Variants in LGR4 observed in about 807,000 individuals in gnomAD.
The protein encoded by LGR4 is leucine-rich repeat-containing G protein-coupled receptor 4.
LGR4 carries 44 observed loss-of-function variants against 84.8 expected under a neutral mutation model. The ratio of observed to expected loss-of-function variants is 0.52; its 90% CI spans 0.41 to 0.67. LGR4 has a LOEUF of 0.67. Ranked by LOEUF, LGR4 falls within the 30% of genes least tolerant of loss-of-function variation. The pLI is 0.00. For missense variants in LGR4, 1,032 were observed against 1,131.4 expected (o/e 0.91, Z 1.26); for synonymous variants, 429 against 434.3 (o/e 0.99, Z 0.15).
chr11:27,404,777 T>G (rs929982960), intron 2 of LGR4, among the ~76,000 whole-genome samples: 1 of 127,982 alleles, frequency 7.8e-6, no homozygotes, highest in Non-Finnish European at 1.6e-5. Flanking sequence ...GAAGCAACAA[T>G]GTACTGAAAG....
At chr11:27,395,946 G>A (rs1182572737) in intron 2 of LGR4, among the ~76,000 whole-genome samples, 1 of 152,080 alleles carries the variant, frequency 6.6e-6, no homozygotes, top group African/African-American at 2.4e-5. Flanking sequence ...TAAATAGCAA[G>A]GTTAGGAAAA....
In LGR4 at chr11:27,448,554, AG is replaced by A. The variant is rs1437785043; in HGVS notation, c.185+23563del. Among the ~76,000 whole-genome samples, 4 of 152,206 alleles carry A rather than the reference AG, an allele frequency of 2.6e-5. No homozygotes were observed. In the South Asian group the frequency reaches 6.2e-4, roughly 24 times the overall value. On this transcript the variant is annotated intron_variant, in intron 1 of 17. Transcript: ENST00000379214. The stretch of plus-strand genomic sequence containing the variant: ...TGATCCGCTCGCCTCAGCCTCCCAA[AG>A]TGCTAGGATTACAGGCGTGAGCCAC...
At chr11:27,470,643 T>TAA in intron 1 of LGR4, among the ~76,000 whole-genome samples, 1 of 151,822 alleles carries the variant, frequency 6.6e-6, no homozygotes, top group South Asian at 2.1e-4. Flanking sequence ...TAATGTAACT[T>TAA]TATGAACAAA....
At chr11:27,460,009 T>C (rs933798343) in intron 1 of LGR4, among the ~76,000 whole-genome samples, 6 of 152,076 alleles carry the variant, frequency 3.9e-5, no homozygotes, top group African/African-American at 1.2e-4. Flanking sequence ...GAGAATCACT[T>C]GAACCGGGAA....
At chr11:27,408,952 C>A (rs560475892) in intron 2 of LGR4, among the ~76,000 whole-genome samples, 1 of 151,980 alleles carries the variant, frequency 6.6e-6, no homozygotes, top group Non-Finnish European at 1.5e-5. Context: ...GAATTTGGGG[C>A]CACAATCTAT....
At chr11:27,385,196 C>T in intron 5 of LGR4, 57 bp downstream of exon 5, 3 of 1,226,736 alleles carry the variant, frequency 2.4e-6, no homozygotes, top group Non-Finnish European at 3.4e-6. Flanking sequence ...CAGAAGAAAT[C>T]TGTTTTTGTA....
intron 1 of LGR4, 81 bp downstream of exon 1, chr11:27,472,037 G>T: frequency 9.3e-7 from 1 of 1,078,296 alleles, no homozygotes; most frequent in Non-Finnish European, 1.2e-6. Flanking sequence ...GGGTGGGACT[G>T]ACCCCTGGCT....
chr11:27,379,563 A>G (rs1414191390), intron 10 of LGR4, among the ~76,000 whole-genome samples: 1 of 152,146 alleles, frequency 6.6e-6, no homozygotes, highest in Admixed American at 6.5e-5. Flanking sequence ...ATATCTTGTC[A>G]CATGTGACCA....
At chr11:27,441,258 T>C (rs4363549) in intron 1 of LGR4, among the ~76,000 whole-genome samples, 36,304 of 151,754 alleles carry the variant, frequency 0.24, 5,158 homozygotes, top group African/African-American at 0.39. Flanking sequence ...AGTGCCATAA[T>C]GGAAAGCCTT....
intron 1 of LGR4, among the ~76,000 whole-genome samples, chr11:27,466,204 C>T (rs1311270829): frequency 1.3e-5 from 2 of 152,130 alleles, no homozygotes; most frequent in Non-Finnish European, 2.9e-5. Flanking sequence ...TAACTTTTAA[C>T]TCAAGTATAC....
intron 1 of LGR4, among the ~76,000 whole-genome samples, chr11:27,425,458 G>C (rs780190573): frequency 2.0e-4 from 30 of 151,846 alleles, no homozygotes; most frequent in Non-Finnish European, 3.8e-4. Context: ...AGTCTCCTCA[G>C]TAGCTAGGAC....
intron 1 of LGR4, among the ~76,000 whole-genome samples, chr11:27,418,413 A>T (rs1863862050): frequency 6.6e-6 from 1 of 152,194 alleles, no homozygotes; most frequent in African/African-American, 2.4e-5. Context: ...GTCACAATAG[A>T]CACCCTTCTA....
intron 10 of LGR4, among the ~76,000 whole-genome samples, chr11:27,379,701 A>G (rs769251524): frequency 6.6e-6 from 1 of 152,176 alleles, no homozygotes; most frequent in Non-Finnish European, 1.5e-5. Flanking sequence ...AAACTCATGC[A>G]CAGACCACTC....
intron 2 of LGR4, among the ~76,000 whole-genome samples, chr11:27,397,952 T>C (rs1222640972): frequency 6.6e-6 from 1 of 152,176 alleles, no homozygotes; most frequent in African/African-American, 2.4e-5. Flanking sequence ...AAAGTAATCC[T>C]CTAGATTTCC....
At chr11:27,472,085 C>T in intron 1 of LGR4, 33 bp downstream of exon 1, 4 of 1,101,958 alleles carry the variant, frequency 3.6e-6, no homozygotes, top group Non-Finnish European at 4.5e-6. Context: ...CCGTTTCCTC[C>T]CCCCCCCTCG....
intron 1 of LGR4, among the ~76,000 whole-genome samples, chr11:27,452,823 C>T (rs112336905): frequency 0.01 from 1,487 of 147,560 alleles, 16 homozygotes; most frequent in African/African-American, 0.035. Context: ...TTAGTAGAGA[C>T]GGTGTTTCAC....
intron 1 of LGR4, among the ~76,000 whole-genome samples, chr11:27,446,719 T>C (rs1590400456): frequency 6.6e-6 from 1 of 152,180 alleles, no homozygotes; most frequent in Non-Finnish European, 1.5e-5. Context: ...CATGTTGCTA[T>C]AAAGACACAT....
At chr11:27,458,395 T>C (rs1864612564) in intron 1 of LGR4, among the ~76,000 whole-genome samples, 2 of 152,164 alleles carry the variant, frequency 1.3e-5, no homozygotes, top group African/African-American at 4.8e-5. Flanking sequence ...AAATGCTCTA[T>C]ATCTTCACAG....
intron 2 of LGR4, among the ~76,000 whole-genome samples, chr11:27,401,204 G>A (rs372204342): frequency 1.3e-5 from 2 of 152,228 alleles, no homozygotes; most frequent in East Asian, 3.9e-4. Flanking sequence ...AACAATGAAA[G>A]CAGTAATGCT....
Sources: allele counts gnomAD v4.1 joint callset (sites outside exome capture counted in the v4.1 genomes callset), GRCh38; gene constraint gnomAD v4.1.1; transcripts MANE v1.5; gene names NCBI Gene and HGNC (gene_info 2026-07-23, HGNC 2026-07-21).